Variants in GALNT13 observed in about 807,000 individuals in gnomAD.
GALNT13 encodes UDP-GalNAc:polypeptide N-acetylgalactosaminyltransferase 13.
In GALNT13, 28 loss-of-function variants were observed where a neutral mutation model predicts 64.2. That is an observed-to-expected ratio of 0.44 (90% CI 0.32 to 0.60). The LOEUF (loss-of-function observed/expected upper bound fraction) is 0.60. Ranked by LOEUF, GALNT13 falls within the 20% of genes least tolerant of loss-of-function variation. GALNT13 has a pLI of 0.05. For synonymous variants in GALNT13, 214 were observed against 224.6 expected, an observed-to-expected ratio of 0.95 and a Z score of 0.42; for missense variants, 577 against 669.8, an observed-to-expected ratio of 0.86 and a Z score of 1.53.
At chr2:154,030,306 G>C (rs1212210850) in intron 3 of GALNT13, among the ~76,000 whole-genome samples, 2 of 152,020 alleles carry the variant, frequency 1.3e-5, no homozygotes, top group Non-Finnish European at 1.5e-5. Context: ...CCAAGAAAAA[G>C]ACATATTATG....
chr2:153,125,752 C>G, the GALNT13 span, among the ~76,000 whole-genome samples: 2 of 152,100 alleles, frequency 1.3e-5, no homozygotes, highest in Admixed American at 1.3e-4. Flanking sequence ...AGACTTTAAG[C>G]CTATGTGTGA....
the GALNT13 span, among the ~76,000 whole-genome samples, chr2:153,524,324 T>A: frequency 6.8e-6 from 1 of 147,516 alleles, no homozygotes; most frequent in East Asian, 1.9e-4. Context: ...TCCTTCTCTT[T>A]TTTTTTTTTT....
At chr2:153,488,289 T>C in the GALNT13 span, among the ~76,000 whole-genome samples, 1 of 152,186 alleles carries the variant, frequency 6.6e-6, no homozygotes, top group Non-Finnish European at 1.5e-5. Context: ...AGAAGGCTCT[T>C]TTTGTTGTAG....
the GALNT13 span, among the ~76,000 whole-genome samples, chr2:153,243,719 G>A: frequency 6.6e-6 from 1 of 151,650 alleles, no homozygotes; most frequent in African/African-American, 2.4e-5. Flanking sequence ...GGTTGATCTT[G>A]CAAAGCATGT....
the GALNT13 span, among the ~76,000 whole-genome samples, chr2:153,583,880 C>A: frequency 2.6e-5 from 4 of 152,160 alleles, no homozygotes; most frequent in Non-Finnish European, 5.9e-5. Flanking sequence ...TGGGACCCAG[C>A]TGCTGGTGCT....
chr2:153,433,885 T>G, the GALNT13 span, among the ~76,000 whole-genome samples: 1 of 152,114 alleles, frequency 6.6e-6, no homozygotes, highest in Non-Finnish European at 1.5e-5. Context: ...ACGTACAGGT[T>G]TGTTACATAT....
chr2:153,671,410 G>A, the GALNT13 span, among the ~76,000 whole-genome samples: 1 of 152,034 alleles, frequency 6.6e-6, no homozygotes, highest in Admixed American at 6.5e-5. Flanking sequence ...CATTCTTAAA[G>A]AAAGGAATTT....
rs530815241 is a variant in GALNT13, at chr2:153,887,427, C to G, written c.-176-13509C>G. 2.7e-5 allele frequency among the ~76,000 whole-genome samples: 4 copies of G among 150,530 alleles called. No individual in the cohort carries two copies. In the South Asian group the frequency reaches 8.4e-4, roughly 32 times the overall value. On this transcript the variant is annotated intron_variant, in intron 1 of 12. Transcript: ENST00000392825. ...GTAAGGAGTTACTGCAAAATTGGGC[C>G]CCAAGTGCCAATAAATAAATAGGAG...
intron 9 of GALNT13, among the ~76,000 whole-genome samples, chr2:154,385,626 A>G (rs1458958824): frequency 6.6e-6 from 1 of 152,008 alleles, no homozygotes; most frequent in Non-Finnish European, 1.5e-5. Flanking sequence ...TGCTATATAG[A>G]CTTAATGAGA....
At chr2:154,046,545 T>G (rs989520580) in intron 3 of GALNT13, among the ~76,000 whole-genome samples, 11 of 152,178 alleles carry the variant, frequency 7.2e-5, no homozygotes, top group South Asian at 2.1e-4. Context: ...TTAAGCCCCA[T>G]GCCTTGTTCA....
chr2:154,229,365 A>G (rs1688795488), intron 4 of GALNT13, among the ~76,000 whole-genome samples: 2 of 151,736 alleles, frequency 1.3e-5, no homozygotes, highest in East Asian at 1.9e-4. Context: ...TTATATATAT[A>G]TATAATTTTA....
the GALNT13 span, among the ~76,000 whole-genome samples, chr2:153,611,433 A>G: frequency 1.3e-5 from 2 of 151,904 alleles, no homozygotes; most frequent in Non-Finnish European, 2.9e-5. Flanking sequence ...CAGTGGTGCA[A>G]TCTTGGCTCA....
the GALNT13 span, among the ~76,000 whole-genome samples, chr2:153,373,221 A>G: frequency 6.6e-6 from 1 of 151,924 alleles, no homozygotes; most frequent in Non-Finnish European, 1.5e-5. Flanking sequence ...TTCCTGGGAG[A>G]TAAAAGTAAT....
chr2:153,336,583 C>T, the GALNT13 span, among the ~76,000 whole-genome samples: 1 of 152,174 alleles, frequency 6.6e-6, no homozygotes, highest in Admixed American at 6.5e-5. Context: ...AATATCTGTA[C>T]TCTTATTGTA....
intron 3 of GALNT13, among the ~76,000 whole-genome samples, chr2:153,968,062 C>T (rs775721035): frequency 2.6e-5 from 4 of 152,054 alleles, no homozygotes; most frequent in Non-Finnish European, 4.4e-5. Flanking sequence ...GGATATGACA[C>T]GGGCACTCAC....
chr2:154,156,999 C>G (rs141167402), intron 4 of GALNT13, among the ~76,000 whole-genome samples: 37 of 152,264 alleles, frequency 2.4e-4, no homozygotes, highest in African/African-American at 8.9e-4. Context: ...ACTTAAATCA[C>G]TACTCTGAGG....
intron 9 of GALNT13, among the ~76,000 whole-genome samples, chr2:154,385,017 G>A (rs1241186328): frequency 1.4e-5 from 2 of 139,014 alleles, no homozygotes; most frequent in African/African-American, 2.7e-5. Flanking sequence ...CTAAAGCAGT[G>A]ACGACTACAA....
At chr2:154,104,043 G>A (rs889666929) in intron 3 of GALNT13, among the ~76,000 whole-genome samples, 1 of 152,076 alleles carries the variant, frequency 6.6e-6, no homozygotes, top group Non-Finnish European at 1.5e-5. Context: ...ATGGTGAGAT[G>A]TGCTGAGGCC....
the GALNT13 span, among the ~76,000 whole-genome samples, chr2:153,306,744 T>G: frequency 6.6e-6 from 1 of 152,212 alleles, no homozygotes; most frequent in Non-Finnish European, 1.5e-5. Flanking sequence ...TGCTTTATTC[T>G]CTCTCTCCCT....
Sources: allele counts gnomAD v4.1 joint callset (sites outside exome capture counted in the v4.1 genomes callset), GRCh38; gene constraint gnomAD v4.1.1; transcripts MANE v1.5; gene names NCBI Gene and HGNC (gene_info 2026-07-23, HGNC 2026-07-21).